The following ERBB4 variants were observed in gnomAD, a reference collection of about 807,000 sequenced individuals.
ERBB4 encodes receptor tyrosine-protein kinase erbB-4.
Under a neutral mutation model 158.0 loss-of-function variants are expected in ERBB4, and 42 were observed. The observed-to-expected ratio is 0.27, with a 90% CI of 0.21 to 0.34. ERBB4 has a LOEUF of 0.34. Ranked by LOEUF, ERBB4 falls within the 10% of genes least tolerant of loss-of-function variation. The pLI is 1.00. For missense variants in ERBB4, 1,333 were observed against 1,624.1 expected (o/e 0.82, Z 3.08); for synonymous variants, 583 against 558.7 (o/e 1.04, Z -0.61).
intron 1 of ERBB4, among the ~76,000 whole-genome samples, chr2:212,456,084 A>T (rs1688276386): frequency 6.6e-6 from 1 of 152,150 alleles, no homozygotes. Context: ...TATCTTAAGG[A>T]AATAATGGTT....
chr2:211,500,695 T>C (rs745733714), intron 20 of ERBB4, among the ~76,000 whole-genome samples: 2 of 152,082 alleles, frequency 1.3e-5, no homozygotes, highest in African/African-American at 4.8e-5. Context: ...ATATTCTATA[T>C]GTAAGTTATA....
intron 19 of ERBB4, among the ~76,000 whole-genome samples, chr2:211,593,691 T>C (rs978263514): frequency 2.6e-5 from 4 of 152,186 alleles, no homozygotes; most frequent in Non-Finnish European, 5.9e-5. Flanking sequence ...CCTAATTACA[T>C]AGTTAATGTT....
rs537699224 is a variant in ERBB4, at chr2:212,276,041, G to A, written c.83-151138C>T. Among the ~76,000 whole-genome samples the A allele has an allele frequency of 6.6e-5, 10 of 151,908 alleles. No individual in the cohort carries two copies. The East Asian group carries it at 1.9e-3, about 30-fold the overall frequency. The stretch of plus-strand genomic sequence containing the variant: ...ACCCTCAGATAAGTGGACCCATGCA[G>A]TTCAAGCCAGTTGTTCAAGGGTCAG... On this transcript the variant is annotated intron_variant, in intron 1 of 27. Transcript: ENST00000342788.
chr2:212,178,779 C>T (rs1575755378), intron 1 of ERBB4, among the ~76,000 whole-genome samples: 1 of 151,480 alleles, frequency 6.6e-6, no homozygotes, highest in African/African-American at 2.4e-5. Context: ...TGTTTGTTCG[C>T]TTTATGATGG....
intron 1 of ERBB4, among the ~76,000 whole-genome samples, chr2:212,346,595 C>T (rs2089012895): frequency 6.6e-6 from 1 of 151,028 alleles, no homozygotes; most frequent in Non-Finnish European, 1.5e-5. Context: ...TTTCCTGAAA[C>T]AATGATTCAA....
chr2:211,468,446 T>A (rs890727709), intron 20 of ERBB4, among the ~76,000 whole-genome samples: 1 of 152,114 alleles, frequency 6.6e-6, no homozygotes, highest in Admixed American at 6.6e-5. Flanking sequence ...GATAAGAGCA[T>A]GTTCAAAGGA....
At chr2:211,734,295 C>G (rs1266630981) in intron 5 of ERBB4, among the ~76,000 whole-genome samples, 1 of 152,052 alleles carries the variant, frequency 6.6e-6, no homozygotes, top group African/African-American at 2.4e-5. Context: ...CAGATCACCA[C>G]TTCTTCAGAG....
At chr2:211,772,579 T>C (rs559794820) in intron 4 of ERBB4, among the ~76,000 whole-genome samples, 23 of 151,670 alleles carry the variant, frequency 1.5e-4, no homozygotes, top group South Asian at 8.4e-4. Context: ...ACATGGAAGT[T>C]AATTTTGGGC....
At chr2:212,051,072 T>C (rs1220478322) in intron 2 of ERBB4, among the ~76,000 whole-genome samples, 2 of 152,166 alleles carry the variant, frequency 1.3e-5, no homozygotes, top group Admixed American at 6.6e-5. Flanking sequence ...AAGTATTTGC[T>C]CTTTGGCAAC....
At chr2:211,963,801 C>T (rs760101978) in intron 2 of ERBB4, among the ~76,000 whole-genome samples, 1 of 152,080 alleles carries the variant, frequency 6.6e-6, no homozygotes, top group Non-Finnish European at 1.5e-5. Flanking sequence ...CAAACAAAGT[C>T]AGTCATTTCC....
chr2:211,527,490 A>G (rs2066380878), intron 20 of ERBB4, among the ~76,000 whole-genome samples: 1 of 152,124 alleles, frequency 6.6e-6, no homozygotes, highest in Admixed American at 6.5e-5. Context: ...TTAATGAACA[A>G]TAAGACATCA....
intron 3 of ERBB4, among the ~76,000 whole-genome samples, chr2:211,863,909 C>T (rs1168985469): frequency 6.6e-6 from 1 of 152,134 alleles, no homozygotes; most frequent in Non-Finnish European, 1.5e-5. Flanking sequence ...ATTCAATTAT[C>T]TTTTCTTTCC....
At chr2:211,892,309 C>T (rs2078988809) in intron 3 of ERBB4, among the ~76,000 whole-genome samples, 1 of 61,018 alleles carries the variant, frequency 1.6e-5, no homozygotes, top group African/African-American at 8.4e-5. Context: ...ACAAAAACCA[C>T]ATGATTATCT....
At chr2:211,675,769 T>C (rs957636498) in intron 13 of ERBB4, among the ~76,000 whole-genome samples, 1 of 121,436 alleles carries the variant, frequency 8.2e-6, no homozygotes, top group African/African-American at 3.0e-5. Context: ...ATATTTAATA[T>C]AATATATATA....
At chr2:212,461,137 T>C (rs1025125573) in intron 1 of ERBB4, among the ~76,000 whole-genome samples, 1 of 152,128 alleles carries the variant, frequency 6.6e-6, no homozygotes, top group African/African-American at 2.4e-5. Context: ...GAACCCCCCC[T>C]CCACAGAGTC....
Position 211,923,565 on chromosome 2 carries a change from G to A in ERBB4, c.421+23865C>T, listed in dbSNP as rs150689164. Among the ~76,000 whole-genome samples the A allele has an allele frequency of 4.6e-5, 7 of 152,202 alleles. No homozygotes were observed. The East Asian group carries it at 1.2e-3, about 25-fold the overall frequency. ...GAGATGGTGTTGGAGATTATGCCTT[G>A]TGCTGCCTTGCTGAGTGCAGAAAAT... On this transcript the variant is annotated intron_variant, in intron 3 of 27. Coordinates refer to ENST00000342788, the MANE Select transcript of ERBB4 (RefSeq NM_005235.3).
At chr2:211,787,072 T>C (rs982178397) in intron 4 of ERBB4, among the ~76,000 whole-genome samples, 1 of 152,318 alleles carries the variant, frequency 6.6e-6, no homozygotes, top group Admixed American at 6.5e-5. Flanking sequence ...ATTAGGGCCA[T>C]GATGAAATTT....
At chr2:211,606,955 T>C (rs2069004574) in intron 19 of ERBB4, among the ~76,000 whole-genome samples, 1 of 152,158 alleles carries the variant, frequency 6.6e-6, no homozygotes. Context: ...TTTCCTATGG[T>C]GAATTTTCCA....
At chr2:211,982,076 G>C (rs568870217) in intron 2 of ERBB4, among the ~76,000 whole-genome samples, 1 of 151,884 alleles carries the variant, frequency 6.6e-6, no homozygotes, top group East Asian at 1.9e-4. Context: ...TTAAAATGCA[G>C]CAGCAATATT....
Sources: allele counts gnomAD v4.1 joint callset (sites outside exome capture counted in the v4.1 genomes callset), GRCh38; gene constraint gnomAD v4.1.1; transcripts MANE v1.5; gene names NCBI Gene and HGNC (gene_info 2026-07-23, HGNC 2026-07-21).